KDM4C: variants seen among roughly 807,000 people sequenced by gnomAD.
The protein encoded by KDM4C is lysine demethylase 4C, also known as lysine-specific demethylase 4C.
KDM4C carries 81 observed loss-of-function variants against 129.3 expected under a neutral mutation model. The ratio of observed to expected loss-of-function variants is 0.63; its 90% CI spans 0.52 to 0.75. The LOEUF is 0.75. Among genes scored for constraint, KDM4C ranks in the 30% least tolerant of loss-of-function variants. The pLI is 0.00. For synonymous variants in KDM4C, 573 were observed against 456.1 expected (o/e 1.26, Z -3.26); for missense variants, 1,457 against 1,304.0 (o/e 1.12, Z -1.81).
At chr9:7,170,498 A>C in intron 21 of KDM4C, 1 of 978,510 alleles carries the variant, frequency 1.0e-6, no homozygotes, top group Non-Finnish European at 1.2e-6. Context: ...TAAAAGATGA[A>C]CAAACATGGA....
intron 17 of KDM4C, among the ~76,000 whole-genome samples, chr9:7,095,170 C>T (rs1740473772): frequency 6.6e-6 from 1 of 152,200 alleles, no homozygotes; most frequent in Non-Finnish European, 1.5e-5. Flanking sequence ...CTTCATTGCA[C>T]ATCCGTGAAT....
rs974177405 is a variant in KDM4C at position 6,918,807 on chromosome 9, G to A, written c.921+25575G>A. On this transcript the variant is annotated intron_variant, in intron 8 of 21. Coordinates refer to ENST00000381309, the MANE Select transcript of KDM4C (RefSeq NM_015061.6). ...GCATTTTTTCATATCTTTGTTGGCC[G>A]CTTGTATGTATGTCTTCTTTTGAGA... Among the ~76,000 whole-genome samples the A allele has an allele frequency of 2.0e-4, 30 of 151,778 alleles. No individual in the cohort carries two copies. The East Asian group carries it at 2.1e-3, about 11-fold the overall frequency.
intron 4 of KDM4C, among the ~76,000 whole-genome samples, chr9:6,848,671 G>GAA (rs533953426): frequency 3.5e-5 from 5 of 143,718 alleles, no homozygotes; most frequent in African/African-American, 1.3e-4. Flanking sequence ...TGTCTCAGGG[G>GAA]AAAAAAAAAA....
intron 6 of KDM4C, among the ~76,000 whole-genome samples, chr9:6,885,600 G>A (rs1183505809): frequency 1.5e-5 from 2 of 134,198 alleles, no homozygotes; most frequent in East Asian, 2.3e-4. Context: ...GCTTGATCCT[G>A]TATAATATCT....
At chr9:6,885,707 T>A (rs955109724) in intron 6 of KDM4C, among the ~76,000 whole-genome samples, 1 of 152,074 alleles carries the variant, frequency 6.6e-6, no homozygotes, top group African/African-American at 2.4e-5. Flanking sequence ...GTATGAACCA[T>A]GTAGCCCTGC....
At chr9:7,110,056 G>T (rs977935401) in intron 18 of KDM4C, among the ~76,000 whole-genome samples, 1 of 152,174 alleles carries the variant, frequency 6.6e-6, no homozygotes, top group African/African-American at 2.4e-5. Context: ...TCTTTCCTTT[G>T]TAAATTACCT....
intron 1 of KDM4C, among the ~76,000 whole-genome samples, chr9:6,785,643 C>T (rs546880939): frequency 7.8e-4 from 119 of 152,336 alleles, no homozygotes; most frequent in Non-Finnish European, 1.4e-3. Context: ...GGCTTCTTCT[C>T]TTCCTAAAAG....
chr9:7,060,754 A>G (rs1468852071), intron 17 of KDM4C, among the ~76,000 whole-genome samples: 3 of 152,170 alleles, frequency 2.0e-5, no homozygotes, highest in Non-Finnish European at 4.4e-5. Context: ...TGCTGGGATC[A>G]TAGGTGTGAG....
At chr9:6,913,946 C>G (rs1819812899) in intron 8 of KDM4C, among the ~76,000 whole-genome samples, 1 of 152,212 alleles carries the variant, frequency 6.6e-6, no homozygotes, top group African/African-American at 2.4e-5. Context: ...AGGGTTTAAG[C>G]ACTCCTTTAG....
intron 5 of KDM4C, among the ~76,000 whole-genome samples, chr9:6,868,562 A>G (rs181956208): frequency 1.3e-5 from 2 of 152,292 alleles, no homozygotes; most frequent in Admixed American, 1.3e-4. Context: ...CCTATACTTT[A>G]CATCATTTCT....
intron 20 of KDM4C, among the ~76,000 whole-genome samples, chr9:7,166,008 C>G (rs950142797): frequency 2.6e-5 from 4 of 152,124 alleles, no homozygotes; most frequent in Admixed American, 1.3e-4. Flanking sequence ...ATGAGTTAAG[C>G]TTTAATAAGG....
intron 11 of KDM4C, among the ~76,000 whole-genome samples, chr9:6,988,428 C>G (rs1385529942): frequency 6.6e-6 from 1 of 151,898 alleles, no homozygotes; most frequent in Non-Finnish European, 1.5e-5. Flanking sequence ...GTAGAGAAAC[C>G]AACATTGCTA....
At position 6,849,503 on chromosome 9, in the gene KDM4C, C is replaced by G; in HGVS notation, c.436-4C>G. 2 of 1,515,206 alleles carry G rather than the reference C, an allele frequency of 1.3e-6. No individual in the cohort carries two copies. The highest frequency in any genetic ancestry group is 1.8e-6 in the Non-Finnish European group (2 of 1,121,634). The allele number at this position is 1,515,206 out of a possible 1,614,324, so 93.9% of individuals were successfully genotyped here. On this transcript the variant is annotated splice_polypyrimidine_tract_variant and splice_region_variant and intron_variant, in intron 4 of 21. Coordinates refer to ENST00000381309, the MANE Select transcript of KDM4C (RefSeq NM_015061.6). ...TCTCTCTCTTTTTTTCTCTCTCATTCCAGGGTGTGGATGAATGGAACATAG... is the reference window on the plus strand; with the variant it reads ...TCTCTCTCTTTTTTTCTCTCTCATTGCAGGGTGTGGATGAATGGAACATAG...
intron 2 of KDM4C, among the ~76,000 whole-genome samples, chr9:6,794,617 G>C (rs915443645): frequency 6.6e-6 from 1 of 152,194 alleles, no homozygotes; most frequent in Non-Finnish European, 1.5e-5. Context: ...GTCTGGGATA[G>C]TTATATTTAT....
intron 1 of KDM4C, among the ~76,000 whole-genome samples, chr9:6,739,651 G>C (rs1241874390): frequency 2.2e-5 from 2 of 92,844 alleles, no homozygotes; most frequent in Non-Finnish European, 4.6e-5. Flanking sequence ...TTTTTTTTTT[G>C]CAAGTTAGAG....
chr9:7,029,546 A>G (rs1029032882), intron 15 of KDM4C, among the ~76,000 whole-genome samples: 81 of 152,008 alleles, frequency 5.3e-4, no homozygotes, highest in African/African-American at 1.9e-3. Flanking sequence ...TCTTCTGAAG[A>G]ATTTAAATTA....
At chr9:7,104,675 T>A (rs10125871) in intron 18 of KDM4C, among the ~76,000 whole-genome samples, 1 of 152,254 alleles carries the variant, frequency 6.6e-6, no homozygotes, top group African/African-American at 2.4e-5. Flanking sequence ...TGTTTCTGGC[T>A]ACCAAATAGG....
intron 1 of KDM4C, among the ~76,000 whole-genome samples, chr9:6,785,539 G>A (rs963018985): frequency 7.2e-5 from 11 of 152,084 alleles, no homozygotes; most frequent in East Asian, 3.9e-4. Context: ...GGGTTTTGCC[G>A]TATTGGCCAG....
At chr9:6,765,567 T>C (rs1478956100) in intron 1 of KDM4C, among the ~76,000 whole-genome samples, 1 of 152,164 alleles carries the variant, frequency 6.6e-6, no homozygotes, top group Non-Finnish European at 1.5e-5. Flanking sequence ...TTCTATTCTA[T>C]ATAGCACACT....
Sources: gnomAD v4.1 joint callset for allele counts (sites outside exome capture counted in the v4.1 genomes callset) on GRCh38, gnomAD v4.1.1 for gene constraint, MANE v1.5 for transcripts, NCBI Gene and HGNC (gene_info 2026-07-23, HGNC 2026-07-21) for gene names.